The following TAS2R1 variants were observed in gnomAD, a reference collection of about 807,000 sequenced individuals.
TAS2R1 encodes taste 2 receptor member 1.
For synonymous variants in TAS2R1, 141 were observed against 134.2 expected, an observed-to-expected ratio of 1.05 and a Z score of -0.35; for missense variants, 370 against 353.4, an observed-to-expected ratio of 1.05 and a Z score of -0.38.
At chr5:9,631,875 C>G (rs779022983), upstream of TAS2R1, among the ~76,000 whole-genome samples, 1 of 152,102 alleles carries the variant, frequency 6.6e-6, no homozygotes, top group Non-Finnish European at 1.5e-5. Flanking sequence ...GACACAACTA[C>G]AGTGAGATGA....
At chr5:9,757,698 G>T in the TAS2R1 span, among the ~76,000 whole-genome samples, 1 of 152,072 alleles carries the variant, frequency 6.6e-6, no homozygotes, top group Non-Finnish European at 1.5e-5. Flanking sequence ...ATTAATATTA[G>T]TTCAAGACTT....
At chr5:9,732,265 C>G in the TAS2R1 span, among the ~76,000 whole-genome samples, 3 of 152,058 alleles carry the variant, frequency 2.0e-5, no homozygotes, top group Non-Finnish European at 4.4e-5. Flanking sequence ...CCAGAAGGCC[C>G]GAGTTCTTGG....
the TAS2R1 span, among the ~76,000 whole-genome samples, chr5:9,802,952 G>A: frequency 1.3e-5 from 2 of 152,156 alleles, no homozygotes; most frequent in South Asian, 2.1e-4. Context: ...AGCAGATGAA[G>A]GAGGCACCAG....
At chr5:9,711,871 G>A (rs1734682079) in intron 1 of TAS2R1, among the ~76,000 whole-genome samples, 1 of 151,408 alleles carries the variant, frequency 6.6e-6, no homozygotes, top group African/African-American at 2.4e-5. Flanking sequence ...TCGTCATGTT[G>A]GCCAGGCTGG....
At chr5:9,672,561 G>T (rs550778963) in intron 1 of TAS2R1, among the ~76,000 whole-genome samples, 21 of 152,178 alleles carry the variant, frequency 1.4e-4, no homozygotes, top group Admixed American at 8.5e-4. Context: ...TTAGACAAAT[G>T]CAAATCAATA....
chr5:9,748,726 T>C, the TAS2R1 span, among the ~76,000 whole-genome samples: 339 of 152,066 alleles, frequency 2.2e-3, 3 homozygotes, highest in African/African-American at 7.3e-3. Context: ...TCATGAGGAG[T>C]CTGCCTCTAT....
At chr5:9,650,164 T>C (rs985120506) in intron 2 of TAS2R1, among the ~76,000 whole-genome samples, 1 of 152,128 alleles carries the variant, frequency 6.6e-6, no homozygotes, top group Non-Finnish European at 1.5e-5. Context: ...AATAGAAAAA[T>C]TTGTATTCTA....
At chr5:9,781,680 T>C in the TAS2R1 span, among the ~76,000 whole-genome samples, 1 of 152,200 alleles carries the variant, frequency 6.6e-6, no homozygotes, top group Non-Finnish European at 1.5e-5. Flanking sequence ...ACAGACACAC[T>C]CTGCTCCAGT....
chr5:9,633,268 T>TG (rs762546236), upstream of TAS2R1, among the ~76,000 whole-genome samples: 123 of 108,586 alleles, frequency 1.1e-3, 1 homozygote, highest in African/African-American at 5.7e-3. Flanking sequence ...TATTCCATAG[T>TG]GTGTGTGTGT....
At chr5:9,829,376 CAT>C in the TAS2R1 span, among the ~76,000 whole-genome samples, 1 of 152,120 alleles carries the variant, frequency 6.6e-6, no homozygotes, top group African/African-American at 2.4e-5. Flanking sequence ...GGAAAAGAAT[CAT>C]AACACAGGGA....
At chr5:9,822,916 G>A in the TAS2R1 span, among the ~76,000 whole-genome samples, 27 of 150,540 alleles carry the variant, frequency 1.8e-4, no homozygotes, top group South Asian at 4.0e-3. Context: ...CAGAGATAAC[G>A]TTGCAAGGGT....
At chr5:9,746,825 T>A in the TAS2R1 span, among the ~76,000 whole-genome samples, 1 of 152,076 alleles carries the variant, frequency 6.6e-6, no homozygotes. Flanking sequence ...ATGTGGGGCT[T>A]AAAACCTAGA....
At chr5:9,902,339 GGCT>G in the TAS2R1 span, among the ~76,000 whole-genome samples, 2 of 151,936 alleles carry the variant, frequency 1.3e-5, no homozygotes, top group African/African-American at 4.8e-5. Context: ...CTTCCCAGAG[GGCT>G]GCTGTCTCCC....
the TAS2R1 span, among the ~76,000 whole-genome samples, chr5:9,726,916 G>A: frequency 1.3e-5 from 2 of 152,218 alleles, no homozygotes; most frequent in Non-Finnish European, 2.9e-5. Context: ...TTTCACACTG[G>A]TTTACCTACG....
At chr5:9,860,012 A>G in the TAS2R1 span, among the ~76,000 whole-genome samples, 3 of 152,362 alleles carry the variant, frequency 2.0e-5, no homozygotes, top group East Asian at 5.8e-4. Context: ...CTTATCTGAC[A>G]GGTTGTAAAC....
chr5:9,643,176 G>A (rs996903956), intron 2 of TAS2R1, among the ~76,000 whole-genome samples: 2 of 152,156 alleles, frequency 1.3e-5, no homozygotes, highest in Admixed American at 6.6e-5. Context: ...TACACTGTAA[G>A]AAAGTAATCG....
At chr5:9,681,655 C>T (rs981684095) in intron 1 of TAS2R1, among the ~76,000 whole-genome samples, 2 of 151,332 alleles carry the variant, frequency 1.3e-5, no homozygotes, top group Admixed American at 6.6e-5. Context: ...ATTCAGCTTA[C>T]TTGCTCCCTC....
chr5:9,651,453 T>C (rs188214380), intron 2 of TAS2R1, among the ~76,000 whole-genome samples: 1 of 152,232 alleles, frequency 6.6e-6, no homozygotes, highest in Non-Finnish European at 1.5e-5. Context: ...AATATGAGTG[T>C]TACTTAAGAA....
At chr5:9,721,758 T>A in the TAS2R1 span, among the ~76,000 whole-genome samples, 1 of 152,264 alleles carries the variant, frequency 6.6e-6, no homozygotes. Flanking sequence ...AAAGCAAATA[T>A]GATATTATTT....
Sources: gnomAD v4.1 joint callset for allele counts (sites outside exome capture counted in the v4.1 genomes callset) on GRCh38, gnomAD v4.1.1 for gene constraint, MANE v1.5 for transcripts, NCBI Gene and HGNC (gene_info 2026-07-23, HGNC 2026-07-21) for gene names.